PHF14: variants seen among roughly 807,000 people sequenced by gnomAD.
PHF14 encodes the protein PHD finger protein 14.
In PHF14, 55 loss-of-function variants were observed where a neutral mutation model predicts 117.9. That is an observed-to-expected ratio of 0.47 (90% confidence interval 0.38 to 0.58). The LOEUF (loss-of-function observed/expected upper bound fraction) is 0.58, where lower values mean the gene tolerates loss of function less well. Ranked by LOEUF, PHF14 falls within the 20% of genes least tolerant of loss-of-function variation. The pLI is 0.00. For missense variants in PHF14, 978 were observed against 1,122.2 expected (o/e 0.87, Z 1.84); for synonymous variants, 409 against 368.6 (o/e 1.11, Z -1.26).
intron 16 of PHF14, 100 bp downstream of exon 16, chr7:11,062,185 TC>T (rs1785250026): frequency 1.0e-6 from 1 of 964,224 alleles, no homozygotes; most frequent in Admixed American, 3.0e-5. Flanking sequence ...ATAAGACCTT[TC>T]TTAAAATATT....
chr7:11,078,370 A>C (rs1785948656), intron 16 of PHF14, among the ~76,000 whole-genome samples: 1 of 152,134 alleles, frequency 6.6e-6, no homozygotes, highest in Non-Finnish European at 1.5e-5. Context: ...AACTAGGAAA[A>C]ATGGTGGGGA....
chr7:11,107,646 A>T, intron 16 of PHF14: 3 of 675,442 alleles, frequency 4.4e-6, no homozygotes, highest in Non-Finnish European at 3.7e-6. Context: ...TAATATTTTA[A>T]GACATTGCCT....
At chr7:11,020,297 C>G (rs1232790138) in intron 5 of PHF14, among the ~76,000 whole-genome samples, 1 of 152,088 alleles carries the variant, frequency 6.6e-6, no homozygotes, top group East Asian at 1.9e-4. Flanking sequence ...AACCTGTTGC[C>G]CAGGCTGGTC....
intron 16 of PHF14, chr7:11,103,282 CA>C: frequency 1.2e-6 from 1 of 843,400 alleles, no homozygotes; most frequent in Middle Eastern, 6.1e-4. Flanking sequence ...TAGTAATACC[CA>C]AATATATTCA....
chr7:11,089,994 C>G (rs977755688), intron 16 of PHF14, among the ~76,000 whole-genome samples: 4 of 152,220 alleles, frequency 2.6e-5, no homozygotes, highest in African/African-American at 9.6e-5. Context: ...TGGTCTCGAA[C>G]TCCTGACCTC....
chr7:10,995,399 C>T (rs931238616), intron 4 of PHF14, among the ~76,000 whole-genome samples: 2 of 152,070 alleles, frequency 1.3e-5, no homozygotes, highest in African/African-American at 4.8e-5. Flanking sequence ...TTGAGCTAGA[C>T]ACAGAGTGCT....
chr7:11,102,806 G>T, intron 16 of PHF14: 1 of 1,308,122 alleles, frequency 7.6e-7, no homozygotes, highest in Non-Finnish European at 9.8e-7. Flanking sequence ...TGTGTGCATT[G>T]TTGAAAAATA....
intron 4 of PHF14, among the ~76,000 whole-genome samples, chr7:11,007,036 G>T (rs531134962): frequency 6.6e-6 from 1 of 151,748 alleles, no homozygotes; most frequent in Non-Finnish European, 1.5e-5. Context: ...AATTTGCCAG[G>T]TGTGGTAGTG....
rs530603024 is a variant in PHF14, at chr7:11,107,212, A to G, written c.2655-4138A>G. 5.8e-4 allele frequency: 569 copies of G among 983,798 alleles called. No individual in the cohort carries two copies. In the African/African-American group the frequency reaches 9.4e-3, roughly 16 times the overall value. The allele number at this position is 983,798 out of a possible 1,614,324, so 60.9% of individuals were successfully genotyped here. On this transcript the variant is annotated intron_variant, in intron 16 of 17. Coordinates refer to ENST00000634607, the MANE Select transcript of PHF14 (RefSeq NM_001007157.2). The stretch of plus-strand genomic sequence containing the variant: ...CTTTTTACTTGTTTGCATATTCTCA[A>G]TAGTCAGGTAAACACCTGACTAATT...
chr7:10,994,125 C>A (rs1235720383), intron 4 of PHF14, among the ~76,000 whole-genome samples: 5 of 151,858 alleles, frequency 3.3e-5, no homozygotes, highest in African/African-American at 1.2e-4. Context: ...ACGAGCACTG[C>A]AAGTGGAGGG....
intron 16 of PHF14, among the ~76,000 whole-genome samples, chr7:11,070,412 C>G (rs907094934): frequency 6.6e-6 from 1 of 152,220 alleles, no homozygotes; most frequent in Non-Finnish European, 1.5e-5. Context: ...TTGATTTCAT[C>G]TCATTTGCCA....
intron 17 of PHF14, among the ~76,000 whole-genome samples, chr7:11,125,911 C>T (rs1250560772): frequency 6.6e-6 from 1 of 151,988 alleles, no homozygotes; most frequent in East Asian, 1.9e-4. Flanking sequence ...AGATTATGTG[C>T]TTCACTGGTT....
chr7:11,100,909 C>T (rs1787063682), intron 16 of PHF14, among the ~76,000 whole-genome samples: 1 of 151,958 alleles, frequency 6.6e-6, no homozygotes, highest in Non-Finnish European at 1.5e-5. Flanking sequence ...TTCCTCTTAA[C>T]AGGCAATTCT....
chr7:11,091,786 G>T (rs1384770446), intron 16 of PHF14, among the ~76,000 whole-genome samples: 5 of 151,930 alleles, frequency 3.3e-5, no homozygotes, highest in Non-Finnish European at 7.4e-5. Flanking sequence ...AATATAAAGA[G>T]GATTAGAACT....
intron 4 of PHF14, among the ~76,000 whole-genome samples, chr7:11,003,177 G>A (rs966863734): frequency 6.6e-6 from 1 of 152,150 alleles, no homozygotes; most frequent in Non-Finnish European, 1.5e-5. Context: ...CTGACCTCGT[G>A]GTCCGCCCGC....
chr7:11,105,437 A>G, intron 16 of PHF14: 7 of 949,426 alleles, frequency 7.4e-6, no homozygotes, highest in Non-Finnish European at 8.8e-6. Context: ...TTGATTCTCA[A>G]TATGAGAATA....
At position 11,051,665 on chromosome 7, in the gene PHF14, C is replaced by A; in HGVS notation, c.2366C>A (p.Ala789Asp). Residue 789 changes from alanine (A) to aspartate (D), a missense_variant, in exon 14 of 18, where the codon GCC (alanine) becomes GAC (aspartate). Around this residue, in one of 7 missense-constraint regions of PHF14, gnomAD observed 180 missense variants for 195.4 expected, o/e 0.92. Transcript: ENST00000634607. ...AGCAGTGACATGGAAGCAGATATGG[C>A]CATGGAAACCCTACCAGATGGAACC... is the stretch of plus-strand genomic sequence containing the variant. ...AGSSDMEADM[A>D]METLPDGTKR... The A allele has an allele frequency of 6.2e-7, 1 of 1,613,408 alleles. No homozygotes were observed. Among genetic ancestry groups the A allele is most frequent in the Non-Finnish European group, 8.5e-7 (1 of 1,179,586 alleles).
At chr7:11,055,555 G>T (rs1439162658) in intron 14 of PHF14, among the ~76,000 whole-genome samples, 2 of 152,032 alleles carry the variant, frequency 1.3e-5, no homozygotes, top group Non-Finnish European at 1.5e-5. Context: ...TAGCAGCTTT[G>T]ACTGAAAACC....
chr7:11,025,263 C>T (rs1009322585), intron 6 of PHF14, among the ~76,000 whole-genome samples: 2 of 152,016 alleles, frequency 1.3e-5, no homozygotes, highest in South Asian at 2.1e-4. Flanking sequence ...AGTGGTTTCT[C>T]GAGTTGGAAT....
Sources: allele counts gnomAD v4.1 joint callset (sites outside exome capture counted in the v4.1 genomes callset), GRCh38; gene constraint gnomAD v4.1.1; regional missense constraint gnomAD v4.1.1; transcripts MANE v1.5; gene names NCBI Gene and HGNC (gene_info 2026-07-23, HGNC 2026-07-21).